Variants in ZNF350 observed in about 807,000 individuals in gnomAD.
ZNF350 encodes the protein KRAB zinc finger protein ZFQR.
ZNF350 carries 5 observed loss-of-function variants against 13.1 expected under a neutral mutation model. That is an observed-to-expected ratio of 0.38 (90% confidence interval 0.20 to 0.80). The LOEUF is 0.80. ZNF350 is among the 30% of genes least tolerant of loss of function. The probability of loss-of-function intolerance (pLI) is 0.43; values close to 1 mark genes in which losing one functional copy is unlikely to be tolerated. For synonymous variants in ZNF350, 199 were observed against 224.2 expected (o/e 0.89, Z 1.00); for missense variants, 534 against 644.2 (o/e 0.83, Z 1.85).
chr19:51,974,183 C>T, intron 2 of ZNF350, 163 bp downstream of exon 2: 1 of 649,896 alleles, frequency 1.5e-6, no homozygotes, highest in East Asian at 2.8e-5. Flanking sequence ...ATTCCTTATC[C>T]TACTATTTTG....
In ZNF350 at chr19:51,965,015, C is replaced by T. The variant is rs150255847; in HGVS notation, c.1438G>A (p.Ala480Thr). Reference protein sequence around the residue: ...QTSLNISGLLANRNVVLVGQP... With the variant: ...QTSLNISGLLTNRNVVLVGQP... ...CCCACAAGGACTACGTTCCTGTTTG[C>T]GAGGAGGCCGCTGATGTTTAATGAT... The change falls in exon 5 of 5, where the codon GCA (alanine) becomes ACA (threonine). Residue 480 changes from alanine (A) to threonine (T), a missense_variant. Physicochemically the swap from Ala to Thr is moderately conservative, Grantham distance 58. Transcript: ENST00000243644. The T allele has an allele frequency of 1.7e-4, 271 of 1,614,028 alleles. 1 individual carries two copies. The highest frequency in any genetic ancestry group is 2.0e-4 in the Non-Finnish European group (237 of 1,180,034).
chr19:51,980,419 A>G (rs906015467), intron 1 of ZNF350, among the ~76,000 whole-genome samples: 4 of 152,180 alleles, frequency 2.6e-5, no homozygotes, highest in African/African-American at 7.2e-5. Flanking sequence ...TTCTGTTGTG[A>G]TATCTTCTGT....
intron 2 of ZNF350, among the ~76,000 whole-genome samples, chr19:51,970,436 T>C (rs76223877): frequency 0.062 from 9,436 of 151,628 alleles, 409 homozygotes; most frequent in Middle Eastern, 0.13. Context: ...ACAGTTGTTA[T>C]ACTATATTGT....
At position 51,966,280 on chromosome 19, in the gene ZNF350, T is replaced by TG. The variant is rs1379970726; in HGVS notation, c.239-67dup. The stretch of plus-strand genomic sequence containing the variant: ...GGGTAAAAGTTTGTTGTGGTTTTTT[T>TG]GTTTTTTTTGTTTTTTTTTTTAAGA... On this transcript the variant is annotated intron_variant, in intron 4 of 4. Transcript: ENST00000243644. 38 of 1,456,390 alleles carry TG rather than the reference T, an allele frequency of 2.6e-5. No individual in the cohort carries two copies. The Middle Eastern group carries it at 7.3e-4, about 28-fold the overall frequency. 90.2% of individuals were successfully genotyped at this position (1,456,390 alleles called of 1,614,324 possible).
chr19:51,968,506 C>A, intron 4 of ZNF350, 72 bp downstream of exon 4: 3 of 1,349,774 alleles, frequency 2.2e-6, no homozygotes, highest in Non-Finnish European at 3.2e-6. Flanking sequence ...AAACCCCCTT[C>A]ACAGCTGTGC....
chr19:51,971,867 T>C (rs1195854067), intron 2 of ZNF350, among the ~76,000 whole-genome samples: 1 of 152,068 alleles, frequency 6.6e-6, no homozygotes, highest in East Asian at 1.9e-4. Flanking sequence ...AGGGACAGAA[T>C]TGGGTGCTCT....
chr19:51,968,977 C>T, intron 3 of ZNF350, 28 bp downstream of exon 3: 1 of 1,613,978 alleles, frequency 6.2e-7, no homozygotes, highest in South Asian at 1.1e-5. Context: ...TAGGCACCCT[C>T]TGAGTGACAC....
chr19:51,979,500 G>A (rs945135193), intron 1 of ZNF350, among the ~76,000 whole-genome samples: 9 of 152,112 alleles, frequency 5.9e-5, no homozygotes, highest in African/African-American at 9.7e-5. Flanking sequence ...CAAAGACGTC[G>A]CTCAGCCATA....
intron 1 of ZNF350, among the ~76,000 whole-genome samples, chr19:51,980,195 C>CAT (rs2085999001): frequency 6.6e-6 from 1 of 152,200 alleles, no homozygotes; most frequent in Non-Finnish European, 1.5e-5. Flanking sequence ...TATCACACTG[C>CAT]ATTAATCATA....
In ZNF350 at chr19:51,969,041, C is replaced by T. The variant is rs917322679; in HGVS notation, c.106G>A (p.Val36Met). 3.1e-6 allele frequency: 5 copies of T among 1,614,162 alleles called. No homozygotes were observed. The highest frequency in any genetic ancestry group is 4.2e-6 in the Non-Finnish European group (5 of 1,179,990). The change falls in exon 3 of 5, where the codon GTG (valine) becomes ATG (methionine). Residue 36 changes from valine to methionine, a missense_variant. By Grantham distance (21) the Val-to-Met change is conservative (BLOSUM62 1). Transcript: ENST00000243644. ...AGGTTGCTGTAGTTCTCCAACATCA[C>T]ATCCCGGTACAGGTCCTTCTGAGCA... ...GAAQKDLYRD[V>M]MLENYSNLVA...
chr19:51,985,887 G>A (rs984748047), intron 1 of ZNF350, among the ~76,000 whole-genome samples: 2 of 152,056 alleles, frequency 1.3e-5, no homozygotes, highest in African/African-American at 4.8e-5. Context: ...TGGGCCTGTA[G>A]TCCCAGCTAC....
chr19:51,966,286 T>TTG, intron 4 of ZNF350, 72 bp from the exon 5 acceptor site: 1 of 1,469,206 alleles, frequency 6.8e-7, no homozygotes, highest in African/African-American at 1.4e-5. Context: ...TTTTTGTTTT[T>TTG]TTTGTTTTTT....
intron 2 of ZNF350, among the ~76,000 whole-genome samples, chr19:51,971,494 A>G (rs2085736175): frequency 6.6e-6 from 1 of 152,178 alleles, no homozygotes; most frequent in Non-Finnish European, 1.5e-5. Context: ...TCAAACAGCA[A>G]ACTGTTTATC....
chr19:51,965,216 A>C lies in ZNF350; in HGVS notation c.1237T>G (p.Tyr413Asp), dbSNP rs2085531261. 6.2e-7 allele frequency: 1 copy of C among 1,614,012 alleles called. No individual in the cohort carries two copies. The highest frequency in any genetic ancestry group is 1.3e-5 in the African/African-American group (1 of 74,906). The change falls in exon 5 of 5, where the codon TAT becomes GAT. Residue 413 changes from tyrosine (Y) to aspartate (D), a missense_variant. Transcript: ENST00000243644. ...TTATGCTTAACCAGACACGACATAT[A>C]CGCAAACGCTTTCCCACACTCGTTA... ...GCNECGKAFA[Y>D]MSCLVKHKRI...
chr19:51,966,288 T>G, intron 4 of ZNF350, 74 bp from the exon 5 acceptor site: 2 of 1,467,390 alleles, frequency 1.4e-6, no homozygotes, highest in Non-Finnish European at 1.8e-6. Context: ...TTTGTTTTTT[T>G]TGTTTTTTTT....
intron 3 of ZNF350, 22 bp from the exon 4 acceptor site, chr19:51,968,695 G>A (rs752975058): frequency 1.2e-6 from 2 of 1,607,254 alleles, no homozygotes; most frequent in Admixed American, 3.3e-5. Context: ...AAATGATAGA[G>A]GACTTAGACA....
intron 1 of ZNF350, among the ~76,000 whole-genome samples, chr19:51,980,475 G>T (rs1271492369): frequency 6.6e-6 from 1 of 152,160 alleles, no homozygotes; most frequent in East Asian, 1.9e-4. Context: ...TGGAGAACTG[G>T]ACACGCACAG....
chr19:51,968,544 C>G lies in ZNF350; in HGVS notation c.238+34G>C. ...CCTTCTCTGACTGTCTAGAATGTGA[C>G]TTCCATAGCCTTCTGTCTTGTGGGT... On this transcript the variant is annotated intron_variant, in intron 4 of 4. Coordinates refer to ENST00000243644, the MANE Select transcript of ZNF350 (RefSeq NM_021632.4). 4 of 1,591,138 alleles carry G rather than the reference C, an allele frequency of 2.5e-6. No individual in the cohort carries two copies. In the South Asian group the frequency reaches 4.4e-5, roughly 18 times the overall value.
At chr19:51,969,172 A>T in intron 2 of ZNF350, 41 bp from the exon 3 acceptor site, 2 of 1,597,352 alleles carry the variant, frequency 1.3e-6, no homozygotes, top group East Asian at 4.5e-5. Context: ...TGTCTTTTTG[A>T]TGATGTGGAA....
Sources: allele counts gnomAD v4.1 joint callset (sites outside exome capture counted in the v4.1 genomes callset), GRCh38; gene constraint gnomAD v4.1.1; transcripts MANE v1.5; gene names NCBI Gene and HGNC (gene_info 2026-07-23, HGNC 2026-07-21).